EDIL3: variants seen among roughly 807,000 people sequenced by gnomAD.
The protein encoded by EDIL3 is EGF-like repeat and discoidin I-like domain-containing protein 3.
In EDIL3, 37 loss-of-function variants were observed where a neutral mutation model predicts 67.4. That is an observed-to-expected ratio of 0.55 (90% confidence interval 0.42 to 0.72). The LOEUF is 0.72. Among genes scored for constraint, EDIL3 ranks in the 30% least tolerant of loss-of-function variants. The pLI is 0.00. For synonymous variants in EDIL3, 195 were observed against 196.3 expected, an observed-to-expected ratio of 0.99 and a Z score of 0.05; for missense variants, 527 against 586.3, an observed-to-expected ratio of 0.90 and a Z score of 1.04.
intron 9 of EDIL3, among the ~76,000 whole-genome samples, chr5:84,048,701 G>C (rs1446452074): frequency 6.6e-6 from 1 of 151,810 alleles, no homozygotes; most frequent in East Asian, 1.9e-4. Flanking sequence ...ATTATGAATA[G>C]TAAATTATCC....
intron 1 of EDIL3, among the ~76,000 whole-genome samples, chr5:84,264,848 T>A (rs2112088948): frequency 6.6e-6 from 1 of 152,264 alleles, no homozygotes; most frequent in South Asian, 2.1e-4. Context: ...ATAAAAACAA[T>A]CAAGTGCTAC....
At chr5:84,303,518 A>G (rs1255008938) in intron 1 of EDIL3, among the ~76,000 whole-genome samples, 1 of 152,214 alleles carries the variant, frequency 6.6e-6, no homozygotes, top group Non-Finnish European at 1.5e-5. Context: ...TTCATGGATT[A>G]GTCATTTACA....
At chr5:84,066,384 T>C in intron 7 of EDIL3, 67 bp downstream of exon 7, 2 of 1,487,352 alleles carry the variant, frequency 1.3e-6, no homozygotes, top group Non-Finnish European at 8.9e-7. Context: ...GAAGACCTTG[T>C]CATTTGATAA....
chr5:84,336,573 T>C (rs1218586195), intron 1 of EDIL3, among the ~76,000 whole-genome samples: 1 of 152,018 alleles, frequency 6.6e-6, no homozygotes, highest in East Asian at 1.9e-4. Flanking sequence ...AGTAAAATAT[T>C]AGAGATTGTT....
chr5:84,192,285 C>T (rs930623305), intron 3 of EDIL3, among the ~76,000 whole-genome samples: 2 of 151,872 alleles, frequency 1.3e-5, no homozygotes, highest in Non-Finnish European at 2.9e-5. Context: ...AATCAAAAAG[C>T]TTCTGTTAGC....
Position 84,262,659 on chromosome 5 carries a change from G to GTTTTTTTTTTTTTTT in EDIL3, c.68-8462_68-8448dup, listed in dbSNP as rs773035274. Among the ~76,000 whole-genome samples, 450 of 46,318 alleles carry GTTTTTTTTTTTTTTT rather than the reference G, an allele frequency of 9.7e-3. 135 individuals carry two copies. Among genetic ancestry groups the GTTTTTTTTTTTTTTT allele is most frequent in the African/African-American group, 0.014 (159 of 11,472 alleles). 30.4% of individuals were successfully genotyped at this position (46,318 alleles called of 152,430 possible). ...AAACTACAATTCCCAAGGTTGGTTG[G>GTTTTTTTTTTTTTTT]TTTTTTTTTTTTTTTTTTTTTTTTT... On this transcript the variant is annotated intron_variant, in intron 1 of 10. Transcript: ENST00000296591.
chr5:84,223,488 C>T (rs1018223367), intron 3 of EDIL3, among the ~76,000 whole-genome samples: 13 of 151,190 alleles, frequency 8.6e-5, no homozygotes, highest in African/African-American at 1.9e-4. Flanking sequence ...TGGATGAACC[C>T]GGAGGAATTA....
At chr5:83,990,192 G>GA (rs1745125336) in intron 9 of EDIL3, among the ~76,000 whole-genome samples, 1 of 152,056 alleles carries the variant, frequency 6.6e-6, no homozygotes, top group Admixed American at 6.6e-5. Flanking sequence ...TGCAGCATTA[G>GA]AAAACTAACA....
intron 4 of EDIL3, among the ~76,000 whole-genome samples, chr5:84,160,315 C>T (rs1748580278): frequency 6.6e-6 from 1 of 152,028 alleles, no homozygotes; most frequent in Non-Finnish European, 1.5e-5. Context: ...GTATACATCA[C>T]AACATGGAAA....
intron 1 of EDIL3, among the ~76,000 whole-genome samples, chr5:84,301,613 T>C (rs1021222572): frequency 3.3e-5 from 5 of 152,218 alleles, no homozygotes; most frequent in African/African-American, 9.6e-5. Flanking sequence ...CAAAAGCCTG[T>C]CATACTTTTA....
intron 4 of EDIL3, among the ~76,000 whole-genome samples, chr5:84,166,499 A>G (rs1218827792): frequency 1.3e-5 from 2 of 152,188 alleles, no homozygotes; most frequent in African/African-American, 4.8e-5. Flanking sequence ...TACTTAACAA[A>G]TATTTATCAA....
intron 4 of EDIL3, among the ~76,000 whole-genome samples, chr5:84,170,704 T>G (rs1053870373): frequency 6.6e-6 from 1 of 152,190 alleles, no homozygotes; most frequent in Non-Finnish European, 1.5e-5. Flanking sequence ...TACATGCAAT[T>G]TTTTAAAAAC....
At chr5:84,056,513 A>G (rs1746450400) in intron 9 of EDIL3, among the ~76,000 whole-genome samples, 1 of 136,376 alleles carries the variant, frequency 7.3e-6, no homozygotes. Context: ...TTGAATACAT[A>G]CGAATTCCCA....
intron 9 of EDIL3, among the ~76,000 whole-genome samples, chr5:83,993,129 C>T (rs911494449): frequency 1.3e-5 from 2 of 152,146 alleles, no homozygotes; most frequent in African/African-American, 4.8e-5. Context: ...TAGTAATAAA[C>T]TGCACTTTAA....
intron 9 of EDIL3, among the ~76,000 whole-genome samples, chr5:84,017,518 A>C (rs566900484): frequency 6.6e-6 from 1 of 152,322 alleles, no homozygotes; most frequent in East Asian, 1.9e-4. Context: ...AAAGTCACTG[A>C]AAAGTTTATG....
At chr5:84,153,970 C>G (rs150422070) in intron 4 of EDIL3, among the ~76,000 whole-genome samples, 18 of 152,200 alleles carry the variant, frequency 1.2e-4, no homozygotes, top group African/African-American at 4.3e-4. Flanking sequence ...ACACTAAGCT[C>G]TACTTTGAGA....
rs70975542 is a variant in EDIL3, at chr5:84,137,184, T to TACACACACAC, written c.469+47_469+56dup. On this transcript the variant is annotated intron_variant, in intron 5 of 10. Coordinates refer to ENST00000296591, the MANE Select transcript of EDIL3 (RefSeq NM_005711.5). Reference sequence around the variant, plus strand: ...ATACATATATGTGTGTGTGTATACATACACACACACACACACACACACACA... The same window carrying TACACACACAC: ...ATACATATATGTGTGTGTGTATACATACACACACACACACACACACACACACACACACACA... 113 of 901,882 alleles carry TACACACACAC rather than the reference T, an allele frequency of 1.3e-4. 1 individual carries two copies. In the African/African-American group the frequency reaches 1.5e-3, roughly 12 times the overall value. 55.9% of individuals were successfully genotyped at this position (901,882 alleles called of 1,614,324 possible). A position where few individuals can be genotyped will look rare whatever the true frequency, so the allele number is the denominator to read the frequency against.
chr5:84,267,427 T>C (rs966545641), intron 1 of EDIL3, among the ~76,000 whole-genome samples: 4 of 152,188 alleles, frequency 2.6e-5, no homozygotes, highest in African/African-American at 9.7e-5. Context: ...GCTTAGTGTT[T>C]CTAGAAAGTA....
intron 4 of EDIL3, among the ~76,000 whole-genome samples, chr5:84,164,115 T>A (rs1748660664): frequency 6.6e-6 from 1 of 152,088 alleles, no homozygotes; most frequent in Non-Finnish European, 1.5e-5. Context: ...ATATTTTTTT[T>A]AATATATGCC....
Sources: gnomAD v4.1 joint callset for allele counts (sites outside exome capture counted in the v4.1 genomes callset) on GRCh38, gnomAD v4.1.1 for gene constraint, MANE v1.5 for transcripts, NCBI Gene and HGNC (gene_info 2026-07-23, HGNC 2026-07-21) for gene names.